PCDH9: variants seen among roughly 807,000 people sequenced by gnomAD.
PCDH9 encodes the protein protocadherin 9.
A neutral mutation model predicts 70.6 loss-of-function variants in PCDH9; 24 were observed. That is an observed-to-expected ratio of 0.34 (90% CI 0.25 to 0.48). The LOEUF (loss-of-function observed/expected upper bound fraction) is 0.48, where lower values mean the gene tolerates loss of function less well. Among genes scored for constraint, PCDH9 ranks in the 20% least tolerant of loss-of-function variants. PCDH9 has a pLI of 0.99. For synonymous variants in PCDH9, 562 were observed against 558.5 expected, an observed-to-expected ratio of 1.01 and a Z score of -0.09; for missense variants, 1,281 against 1,503.6, an observed-to-expected ratio of 0.85 and a Z score of 2.45.
intron 4 of PCDH9, among the ~76,000 whole-genome samples, chr13:66,599,132 GAA>G (rs1406945252): frequency 6.6e-6 from 1 of 151,568 alleles, no homozygotes; most frequent in Non-Finnish European, 1.5e-5. Context: ...TTAATATACA[GAA>G]TATATATGCA....
At chr13:67,137,376 G>T (rs1273949332) in intron 2 of PCDH9, among the ~76,000 whole-genome samples, 1 of 152,122 alleles carries the variant, frequency 6.6e-6, no homozygotes. Context: ...GAATGTACCA[G>T]AGTATCTGTC....
chr13:66,541,710 T>G (rs1960964844), intron 4 of PCDH9, among the ~76,000 whole-genome samples: 1 of 152,168 alleles, frequency 6.6e-6, no homozygotes, highest in Non-Finnish European at 1.5e-5. Flanking sequence ...CAATTACTTC[T>G]GCAAATATCC....
At chr13:66,385,163 T>C (rs1593893002) in intron 4 of PCDH9, among the ~76,000 whole-genome samples, 1 of 152,178 alleles carries the variant, frequency 6.6e-6, no homozygotes, top group African/African-American at 2.4e-5. Context: ...CCTCCAGGTA[T>C]ATTCATGTTG....
At chr13:66,393,451 T>C (rs906353797) in intron 4 of PCDH9, among the ~76,000 whole-genome samples, 2 of 152,142 alleles carry the variant, frequency 1.3e-5, no homozygotes, top group African/African-American at 4.8e-5. Flanking sequence ...AGGTAGCTGA[T>C]ACCTGGCTGG....
chr13:66,526,575 T>C (rs958966167), intron 4 of PCDH9, among the ~76,000 whole-genome samples: 1 of 152,016 alleles, frequency 6.6e-6, no homozygotes, highest in Admixed American at 6.6e-5. Context: ...CAATTCCCTG[T>C]AGATCACAAA....
intron 3 of PCDH9, among the ~76,000 whole-genome samples, chr13:66,865,277 A>G (rs1432909891): frequency 2.0e-5 from 3 of 152,204 alleles, no homozygotes; most frequent in Admixed American, 2.0e-4. Context: ...CACTTCAGGT[A>G]TGTGGACACA....
intron 4 of PCDH9, among the ~76,000 whole-genome samples, chr13:66,441,534 T>C (rs1251022558): frequency 6.6e-6 from 1 of 152,142 alleles, no homozygotes; most frequent in African/African-American, 2.4e-5. Flanking sequence ...TCTTAAATCA[T>C]TGTAAAAGGT....
chr13:66,741,852 C>G lies in PCDH9; in HGVS notation c.3139-110441G>C, dbSNP rs1197049983. Reference sequence around the variant, plus strand: ...TCACGGAAATAAAAGAGGATACAAACAAATGGAAGAACATTCCATGCTCAT... The same window carrying G: ...TCACGGAAATAAAAGAGGATACAAAGAAATGGAAGAACATTCCATGCTCAT... On this transcript the variant is annotated intron_variant, in intron 3 of 4. Coordinates refer to ENST00000377865, the MANE Select transcript of PCDH9 (RefSeq NM_203487.3). 6.4e-4 allele frequency among the ~76,000 whole-genome samples: 85 copies of G among 132,446 alleles called. 1 individual carries two copies. The highest frequency in any genetic ancestry group is 2.1e-3 in the African/African-American group (73 of 34,994). The allele number at this position is 132,446 out of a possible 152,430, so 86.9% of individuals were successfully genotyped here. A position where few individuals can be genotyped will look rare whatever the true frequency, so the allele number is the denominator to read the frequency against.
intron 4 of PCDH9, among the ~76,000 whole-genome samples, chr13:66,597,535 G>T (rs574740721): frequency 1.8e-4 from 28 of 151,740 alleles, no homozygotes; most frequent in Admixed American, 8.6e-4. Context: ...ACATGCAAAA[G>T]AATGAAATCA....
intron 2 of PCDH9, among the ~76,000 whole-genome samples, chr13:66,906,265 G>A (rs1010618823): frequency 3.3e-5 from 5 of 152,268 alleles, no homozygotes; most frequent in Non-Finnish European, 7.4e-5. Context: ...TGAGACAGAA[G>A]GAACTGCATA....
intron 3 of PCDH9, among the ~76,000 whole-genome samples, chr13:66,790,347 T>C (rs1461753560): frequency 6.6e-6 from 1 of 152,132 alleles, no homozygotes; most frequent in Non-Finnish European, 1.5e-5. Context: ...TAATCATTCA[T>C]GAGTTAAATA....
intron 4 of PCDH9, among the ~76,000 whole-genome samples, chr13:66,385,000 A>G (rs985100234): frequency 6.6e-6 from 1 of 151,976 alleles, no homozygotes; most frequent in Non-Finnish European, 1.5e-5. Flanking sequence ...TTTGTTCCAC[A>G]TCTCTCATTT....
At chr13:67,034,175 G>C (rs377475841) in intron 2 of PCDH9, among the ~76,000 whole-genome samples, 1 of 151,954 alleles carries the variant, frequency 6.6e-6, no homozygotes, top group South Asian at 2.1e-4. Context: ...AGTAGAGACG[G>C]GGTTTCACCA....
At chr13:66,797,502 C>A (rs2080262260) in intron 3 of PCDH9, among the ~76,000 whole-genome samples, 1 of 152,104 alleles carries the variant, frequency 6.6e-6, no homozygotes, top group Non-Finnish European at 1.5e-5. Flanking sequence ...CCTATAATAA[C>A]AAACTTTCTA....
At chr13:66,697,286 C>G (rs930849978) in intron 3 of PCDH9, among the ~76,000 whole-genome samples, 12 of 151,900 alleles carry the variant, frequency 7.9e-5, no homozygotes, top group African/African-American at 2.9e-4. Context: ...TTCTCCCCCC[C>G]CAAAAAATAT....
At chr13:67,216,517 T>C (rs944642309) in intron 2 of PCDH9, 1 of 151,262 alleles carries the variant, frequency 6.6e-6, no homozygotes, top group African/African-American at 2.4e-5. Flanking sequence ...CTAACATTAT[T>C]CCTTAACTTG....
intron 2 of PCDH9, among the ~76,000 whole-genome samples, chr13:67,123,006 T>C (rs567603905): frequency 1.3e-5 from 2 of 152,236 alleles, no homozygotes; most frequent in East Asian, 1.9e-4. Flanking sequence ...TCAAAATTAG[T>C]GTGCAGATTT....
chr13:66,877,601 T>C (rs1049048647), intron 3 of PCDH9, among the ~76,000 whole-genome samples: 1 of 152,138 alleles, frequency 6.6e-6, no homozygotes, highest in African/African-American at 2.4e-5. Flanking sequence ...ATTCAGAGAT[T>C]TGTGAAAGCA....
chr13:67,166,690 T>C (rs60143252), intron 2 of PCDH9, among the ~76,000 whole-genome samples: 9,375 of 152,204 alleles, frequency 0.062, 435 homozygotes, highest in African/African-American at 0.11. Context: ...TTTTATTCTG[T>C]GTTATATTAT....
Sources: gnomAD v4.1 joint callset for allele counts (sites outside exome capture counted in the v4.1 genomes callset) on GRCh38, gnomAD v4.1.1 for gene constraint, MANE v1.5 for transcripts, NCBI Gene and HGNC (gene_info 2026-07-23, HGNC 2026-07-21) for gene names.